CNTN4: variants seen among roughly 807,000 people sequenced by gnomAD.
CNTN4 encodes the protein contactin 4, also known as contactin-4.
A neutral mutation model predicts 122.5 loss-of-function variants in CNTN4; 77 were observed. The observed-to-expected ratio is 0.63, with a 90% confidence interval of 0.52 to 0.76. The LOEUF (loss-of-function observed/expected upper bound fraction) is 0.76, where lower values mean the gene tolerates loss of function less well. Among genes scored for constraint, CNTN4 ranks in the 30% least tolerant of loss-of-function variants. CNTN4 has a pLI of 0.00. For missense variants in CNTN4, 1,256 were observed against 1,259.1 expected, an observed-to-expected ratio of 1.00 and a Z score of 0.04; for synonymous variants, 512 against 447.0, an observed-to-expected ratio of 1.15 and a Z score of -1.83.
At chr3:2,275,941 A>C (rs1223787270) in intron 2 of CNTN4, among the ~76,000 whole-genome samples, 2 of 151,370 alleles carry the variant, frequency 1.3e-5, no homozygotes, top group Non-Finnish European at 2.9e-5. Context: ...AAAAAAACAA[A>C]AAAAAATATT....
At chr3:2,267,101 C>A (rs1229460446) in intron 2 of CNTN4, among the ~76,000 whole-genome samples, 1 of 152,026 alleles carries the variant, frequency 6.6e-6, no homozygotes, top group Non-Finnish European at 1.5e-5. Context: ...AATGAGTGAA[C>A]CTTTCCTGTG....
At chr3:2,675,022 A>C (rs1269691606) in intron 4 of CNTN4, among the ~76,000 whole-genome samples, 5 of 152,238 alleles carry the variant, frequency 3.3e-5, no homozygotes, top group Non-Finnish European at 5.9e-5. Context: ...CCTCAAAAGC[A>C]CAGGCAACAA....
intron 4 of CNTN4, among the ~76,000 whole-genome samples, chr3:2,708,541 A>G (rs1167087204): frequency 6.6e-6 from 1 of 152,116 alleles, no homozygotes; most frequent in South Asian, 2.1e-4. Flanking sequence ...CAGTGACAAA[A>G]CTGTGAAGTT....
chr3:2,287,575 C>T (rs1404624923), intron 2 of CNTN4, among the ~76,000 whole-genome samples: 1 of 148,280 alleles, frequency 6.7e-6, no homozygotes, highest in Non-Finnish European at 1.5e-5. Flanking sequence ...TGCACTTTAG[C>T]CTGGATGACA....
At chr3:2,886,099 A>G (rs751871293) in intron 9 of CNTN4, among the ~76,000 whole-genome samples, 1 of 152,218 alleles carries the variant, frequency 6.6e-6, no homozygotes, top group Non-Finnish European at 1.5e-5. Flanking sequence ...GGGAGGGGCC[A>G]TAGACCTCAT....
At chr3:2,640,730 T>C (rs931020120) in intron 4 of CNTN4, among the ~76,000 whole-genome samples, 1 of 152,166 alleles carries the variant, frequency 6.6e-6, no homozygotes, top group Non-Finnish European at 1.5e-5. Context: ...TGATCAGAAA[T>C]ACTAACATCA....
At chr3:2,620,104 G>A (rs2081938263) in intron 4 of CNTN4, among the ~76,000 whole-genome samples, 1 of 152,190 alleles carries the variant, frequency 6.6e-6, no homozygotes, top group South Asian at 2.1e-4. Flanking sequence ...AAGATTCAAT[G>A]TTTAAAAGCA....
intron 4 of CNTN4, among the ~76,000 whole-genome samples, chr3:2,729,491 C>T (rs1182572608): frequency 2.1e-5 from 3 of 145,100 alleles, no homozygotes; most frequent in African/African-American, 5.2e-5. Context: ...TTGCAGTGAG[C>T]CGAGATCGTG....
At chr3:2,286,435 TTAGTTAGCTTTAAAAAAACTACATGG>T (rs1229460304) in intron 2 of CNTN4, among the ~76,000 whole-genome samples, 1 of 151,644 alleles carries the variant, frequency 6.6e-6, no homozygotes, top group African/African-American at 2.4e-5. Context: ...CAGAAAGGGC[TTAGTTAGCTTTAAAAAAACTACATGG>T]TTGTTAAACA....
intron 4 of CNTN4, among the ~76,000 whole-genome samples, chr3:2,676,966 A>G (rs1055849453): frequency 1.3e-5 from 2 of 152,122 alleles, no homozygotes; most frequent in African/African-American, 4.8e-5. Flanking sequence ...CTGTAAATGA[A>G]ATCTTCAGAG....
chr3:2,127,270 G>C (rs1192199520), intron 2 of CNTN4, among the ~76,000 whole-genome samples: 2 of 152,122 alleles, frequency 1.3e-5, no homozygotes, highest in Admixed American at 1.3e-4. Flanking sequence ...AGGGTGTTGA[G>C]AGAGAGCCAA....
intron 2 of CNTN4, among the ~76,000 whole-genome samples, chr3:2,189,153 A>T (rs2037406442): frequency 6.6e-6 from 1 of 152,098 alleles, no homozygotes; most frequent in Non-Finnish European, 1.5e-5. Flanking sequence ...TTTATGACTC[A>T]TATCTTCAAA....
intron 3 of CNTN4, among the ~76,000 whole-genome samples, chr3:2,351,594 T>G (rs1191049631): frequency 6.6e-6 from 1 of 152,042 alleles, no homozygotes; most frequent in East Asian, 1.9e-4. Context: ...CCCCGTGGAG[T>G]AGGACAGAGC....
chr3:2,173,778 TA>T (rs1425258677), intron 2 of CNTN4, among the ~76,000 whole-genome samples: 1 of 152,084 alleles, frequency 6.6e-6, no homozygotes, highest in Non-Finnish European at 1.5e-5. Context: ...TTATAAGAAT[TA>T]AATCTAAAAT....
intron 4 of CNTN4, among the ~76,000 whole-genome samples, chr3:2,577,045 C>A (rs2079722348): frequency 6.6e-6 from 1 of 152,194 alleles, no homozygotes; most frequent in Non-Finnish European, 1.5e-5. Flanking sequence ...TTTGGGAAGT[C>A]AATTCTCAGG....
chr3:2,444,978 C>G (rs2048567152), intron 3 of CNTN4, among the ~76,000 whole-genome samples: 1 of 151,632 alleles, frequency 6.6e-6, no homozygotes, highest in Admixed American at 6.6e-5. Context: ...GCCGCATCCC[C>G]CCACCCCACT....
chr3:2,288,820 TTAAA>T (rs2042034177), intron 2 of CNTN4, among the ~76,000 whole-genome samples: 1 of 152,152 alleles, frequency 6.6e-6, no homozygotes, highest in East Asian at 1.9e-4. Context: ...CTGGAAAATG[TTAAA>T]TAAAGATATA....
chr3:2,498,363 A>G (rs1559609168), intron 3 of CNTN4, among the ~76,000 whole-genome samples: 1 of 152,186 alleles, frequency 6.6e-6, no homozygotes, highest in African/African-American at 2.4e-5. Flanking sequence ...GAGTGTCTCT[A>G]TCATTTTACA....
intron 3 of CNTN4, among the ~76,000 whole-genome samples, chr3:2,357,032 A>G (rs1029049272): frequency 1.3e-5 from 2 of 152,180 alleles, no homozygotes; most frequent in Non-Finnish European, 2.9e-5. Context: ...CAACTTGATA[A>G]CTAGACCAGT....
Sources: gnomAD v4.1 joint callset for allele counts (sites outside exome capture counted in the v4.1 genomes callset) on GRCh38, gnomAD v4.1.1 for gene constraint, MANE v1.5 for transcripts, NCBI Gene and HGNC (gene_info 2026-07-23, HGNC 2026-07-21) for gene names.